The following HECTD3 variants were observed in gnomAD, a reference collection of about 807,000 sequenced individuals.
The protein encoded by HECTD3 is E3 ubiquitin-protein ligase HECTD3.
In HECTD3, 72 loss-of-function variants were observed where a neutral mutation model predicts 109.3. The observed-to-expected ratio is 0.66, with a 90% CI of 0.54 to 0.80. HECTD3 has a LOEUF of 0.80. HECTD3 is among the 30% of genes least tolerant of loss of function. The pLI, the probability that HECTD3 is intolerant of heterozygous loss-of-function variation, is 0.00. For missense variants in HECTD3, 1,041 were observed against 1,165.2 expected (o/e 0.89, Z 1.55); for synonymous variants, 481 against 471.8 (o/e 1.02, Z -0.25).
chr1:45,010,058 G>T lies in HECTD3; in HGVS notation c.687C>A (p.His229Gln). 1 of 1,571,852 alleles carries T rather than the reference G, an allele frequency of 6.4e-7. No individual in the cohort carries two copies. The highest frequency in any genetic ancestry group is 8.7e-7 in the Non-Finnish European group (1 of 1,155,136). Reference sequence around the variant, plus strand: ...CCAGGTTCTCATCCTCCTTGCCCAGGTGGTCATACAAGAAGTGGATCAGGT... The same window carrying T: ...CCAGGTTCTCATCCTCCTTGCCCAGTTGGTCATACAAGAAGTGGATCAGGT... ...DEDLIHFLYD[H>Q]LGKEDENLGS... The change falls in exon 4 of 21, where the codon CAC (histidine) becomes CAA (glutamine). Residue 229 changes from histidine to glutamine, a missense_variant. By Grantham distance (24) the His-to-Gln change is conservative (BLOSUM62 0). Coordinates refer to ENST00000372172, the MANE Select transcript of HECTD3 (RefSeq NM_024602.6).
Position 45,003,468 on chromosome 1 carries a change from T to TGGTC in HECTD3, c.*20_*23dup. The TGGTC allele has an allele frequency of 6.2e-7, 1 of 1,607,990 alleles. No individual in the cohort carries two copies. The highest frequency in any genetic ancestry group is 8.5e-7 in the Non-Finnish European group (1 of 1,174,662). ...CCAAGAGGGACACGTGCAGTCTTGC[T>TGGTC]GGTCCCACAGCCGGCGGCACGCCTC... On this transcript the variant is annotated 3_prime_UTR_variant, in exon 21 of 21. Transcript: ENST00000372172. The surrounding 1 kb of genome is among the most constrained non-coding windows in gnomAD (Gnocchi z 4.7).
intron 15 of HECTD3, chr1:45,005,057 G>C (rs1057445120): frequency 7.0e-6 from 4 of 567,884 alleles, no homozygotes; most frequent in Admixed American, 6.0e-5. Context: ...TGGGACATAA[G>C]GGAAGTTAGG....
Position 45,011,177 on chromosome 1 carries a change from C to T in HECTD3, c.81G>A (p.Ala27=), listed in dbSNP as rs1050296703. ...LGRVRFLAEA[A]RSLRAGRPLP... ...GCGGCCGCCCGGCGCGGAGGCTCCG[C>T]GCTGCCTCTGCCAAGAAGCGCACGC... The change falls in exon 1 of 21, where the codon GCG becomes GCA. Residue 27 remains alanine, a synonymous_variant. Transcript: ENST00000372172. 2.0e-6 allele frequency: 3 copies of T among 1,488,240 alleles called. No individual in the cohort carries two copies. The highest frequency in any genetic ancestry group is 1.5e-5 in the African/African-American group (1 of 68,534). 92.2% of individuals were successfully genotyped at this position (1,488,240 alleles called of 1,614,324 possible).
In HECTD3 at chr1:45,011,321, G is replaced by T. The variant is rs1644792090; in HGVS notation, c.-64C>A. 1.5e-6 allele frequency: 2 copies of T among 1,348,148 alleles called. No individual in the cohort carries two copies. Among genetic ancestry groups the T allele is most frequent in the Admixed American group, 8.0e-5 (2 of 25,016 alleles). The allele number at this position is 1,348,148 out of a possible 1,614,324, so 83.5% of individuals were successfully genotyped here. A position where few individuals can be genotyped will look rare whatever the true frequency, so the allele number is the denominator to read the frequency against. ...CCCGGGGAACAGCTGGCGCGACCGC[G>T]GACAGAGCTTCCCACCACGCCCTTC... On this transcript the variant is annotated 5_prime_UTR_variant, in exon 1 of 21. Coordinates refer to ENST00000372172, the MANE Select transcript of HECTD3 (RefSeq NM_024602.6).
At chr1:45,007,174 G>A (rs754806452) in intron 11 of HECTD3, 45 bp downstream of exon 11, 6 of 1,511,404 alleles carry the variant, frequency 4.0e-6, no homozygotes, top group Non-Finnish European at 2.8e-6. Flanking sequence ...GTGTTTGTGT[G>A]CACAAACAGG....
rs1424691461 is a variant in HECTD3 at position 45,010,228 on chromosome 1, G to A, written c.596C>T (p.Ala199Val). ...RLGSRPQPAE[A>V]YAEAVQRLLY... Reference sequence around the variant, plus strand: ...TAGCCTTTGTACAGCTTCTGCGTATGCCTCTGCCGGCTGAGGTCTCGATCC... The same window carrying A: ...TAGCCTTTGTACAGCTTCTGCGTATACCTCTGCCGGCTGAGGTCTCGATCC... The change falls in exon 3 of 21, where the codon GCA (alanine) becomes GTA (valine). Residue 199 changes from alanine to valine, a missense_variant. Around this residue, in one of 2 missense-constraint regions of HECTD3, gnomAD observed 472 missense variants for 449.9 expected, o/e 1.05. Transcript: ENST00000372172. The A allele has an allele frequency of 1.2e-6, 2 of 1,613,970 alleles. No homozygotes were observed. Among genetic ancestry groups the A allele is most frequent in the South Asian group, 1.1e-5 (1 of 91,078 alleles).
Position 45,011,170 on chromosome 1 carries a change from G to A in HECTD3, c.88C>T (p.Leu30Phe), listed in dbSNP as rs1403303757. 1.3e-6 allele frequency: 2 copies of A among 1,493,712 alleles called. No individual in the cohort carries two copies. The highest frequency in any genetic ancestry group is 1.8e-6 in the Non-Finnish European group (2 of 1,130,148). 92.5% of individuals were successfully genotyped at this position (1,493,712 alleles called of 1,614,324 possible). A position where few individuals can be genotyped will look rare whatever the true frequency, so the allele number is the denominator to read the frequency against. The change falls in exon 1 of 21, where the codon CTC becomes TTC. Residue 30 changes from leucine (L) to phenylalanine (F), a missense_variant. Coordinates refer to ENST00000372172, the MANE Select transcript of HECTD3 (RefSeq NM_024602.6). ...GCTGGCAGCGGCCGCCCGGCGCGGAGGCTCCGCGCTGCCTCTGCCAAGAAG... is the reference window on the plus strand; with the variant it reads ...GCTGGCAGCGGCCGCCCGGCGCGGAAGCTCCGCGCTGCCTCTGCCAAGAAG... Reference protein sequence around the residue: ...VRFLAEAARSLRAGRPLPAAL... With the variant: ...VRFLAEAARSFRAGRPLPAAL...
chr1:45,010,235 C>A lies in HECTD3; in HGVS notation c.589G>T (p.Ala197Ser), dbSNP rs1644773502. The change falls in exon 3 of 21, where the codon GCA (alanine) becomes TCA (serine). Residue 197 changes from alanine (A) to serine (S), a missense_variant. Around this residue, in one of 2 missense-constraint regions of HECTD3, gnomAD observed 472 missense variants for 449.9 expected, o/e 1.05. Coordinates refer to ENST00000372172, the MANE Select transcript of HECTD3 (RefSeq NM_024602.6). ...SHRLGSRPQPAEAYAEAVQRL... is the reference protein window; with the variant it reads ...SHRLGSRPQPSEAYAEAVQRL... Reference sequence around the variant, plus strand: ...TGTACAGCTTCTGCGTATGCCTCTGCCGGCTGAGGTCTCGATCCCAGGCGA... The same window carrying A: ...TGTACAGCTTCTGCGTATGCCTCTGACGGCTGAGGTCTCGATCCCAGGCGA... 6.2e-7 allele frequency: 1 copy of A among 1,614,072 alleles called. No homozygotes were observed. The highest frequency in any genetic ancestry group is 8.5e-7 in the Non-Finnish European group (1 of 1,180,020).
At position 45,007,094 on chromosome 1, in the gene HECTD3, AAAGC is replaced by A; in HGVS notation, c.1557-83_1557-80del. On this transcript the variant is annotated intron_variant, in intron 11 of 20. Coordinates refer to ENST00000372172, the MANE Select transcript of HECTD3 (RefSeq NM_024602.6). The stretch of plus-strand genomic sequence containing the variant: ...TCATCAGCTCAGAGACCACCTGGGA[AAAGC>A]AGTCATGGCGAGGGGTGCCTCGAGC... 4 of 1,580,980 alleles carry A rather than the reference AAAGC, an allele frequency of 2.5e-6. No homozygotes were observed. In the South Asian group the frequency reaches 3.3e-5, roughly 13 times the overall value.
intron 4 of HECTD3, 37 bp from the exon 5 acceptor site, chr1:45,009,720 C>T (rs1644767631): frequency 1.3e-6 from 2 of 1,493,562 alleles, no homozygotes; most frequent in Non-Finnish European, 9.3e-7. Flanking sequence ...AGCAGTTACC[C>T]TCCCTCCCTG....
chr1:45,008,258 G>A lies in HECTD3; in HGVS notation c.1302C>T (p.Gly434=), dbSNP rs2148978057. ...GGCTCACCTTAATCTCACTGAAGGTGCCCAGTGTGTGGTCCCAGGCAGGTA... is the reference window on the plus strand; with the variant it reads ...GGCTCACCTTAATCTCACTGAAGGTACCCAGTGTGTGGTCCCAGGCAGGTA... ...HLVPAWDHTL[G]TFSEIKQVKQ... Residue 434 remains glycine (G), a synonymous_variant, in exon 9 of 21, where the codon GGC becomes GGT. Transcript: ENST00000372172. 6.2e-7 allele frequency: 1 copy of A among 1,613,948 alleles called. No homozygotes were observed. Among genetic ancestry groups the A allele is most frequent in the Admixed American group, 1.7e-5 (1 of 60,014 alleles).
chr1:45,009,040 T>G, intron 7 of HECTD3, 104 bp downstream of exon 7: 1 of 964,150 alleles, frequency 1.0e-6, no homozygotes, highest in Non-Finnish European at 1.7e-6. Flanking sequence ...CAGCATCGCC[T>G]TCACCCCAAC....
rs1644710127 is a variant in HECTD3, at chr1:45,003,678, T to C, written c.2492A>G (p.His831Arg). ...STCSSTLFLP[H>R]YASAKVCEEK... Reference sequence around the variant, plus strand: ...CTAGGAAAAAACCCACCTGGCATAGTGTGGCAGGAAGAGGGTGCTGGAGCA... The same window carrying C: ...CTAGGAAAAAACCCACCTGGCATAGCGTGGCAGGAAGAGGGTGCTGGAGCA... Residue 831 changes from histidine (H) to arginine (R), a missense_variant, in exon 20 of 21, where the codon CAC becomes CGC. By Grantham distance (29) the His-to-Arg change is conservative. This residue lies in a region of HECTD3 where 569 missense variants were observed against 715.3 expected (regional missense o/e 0.80). Transcript: ENST00000372172. This position sits in a 1 kb window ranked among gnomAD's most constrained non-coding sequence, Gnocchi z 4.7. The C allele has an allele frequency of 2.5e-6, 4 of 1,613,956 alleles. No individual in the cohort carries two copies. Among genetic ancestry groups the C allele is most frequent in the Non-Finnish European group, 3.4e-6 (4 of 1,179,964 alleles).
At chr1:45,010,147 G>A in intron 3 of HECTD3, 26 bp from the exon 4 acceptor site, 2 of 1,613,742 alleles carry the variant, frequency 1.2e-6, no homozygotes, top group Non-Finnish European at 1.7e-6. Context: ...CCCCTAATTA[G>A]ACTGGGCCCA....
intron 11 of HECTD3, 55 bp from the exon 12 acceptor site, chr1:45,007,070 C>A: frequency 6.2e-7 from 1 of 1,602,666 alleles, no homozygotes; most frequent in Non-Finnish European, 8.5e-7. Context: ...CAGCACAATT[C>A]ATCAGCTCAG....
chr1:45,006,120 C>A lies in HECTD3; in HGVS notation c.1726-4G>T, dbSNP rs113135392. On this transcript the variant is annotated splice_polypyrimidine_tract_variant and splice_region_variant and intron_variant, in intron 13 of 20. Coordinates refer to ENST00000372172, the MANE Select transcript of HECTD3 (RefSeq NM_024602.6). The surrounding 1 kb of genome is among the most constrained non-coding windows in gnomAD (Gnocchi z 4.7). ...GAGCCTCACCAGTGCCATTGCCCTG[C>A]CCCAGAGACAGAGCTGTGAGTGTGG... 4 of 1,613,052 alleles carry A rather than the reference C, an allele frequency of 2.5e-6. No homozygotes were observed. The highest frequency in any genetic ancestry group is 3.4e-6 in the Non-Finnish European group (4 of 1,179,174).
chr1:45,004,768 C>T lies in HECTD3; in HGVS notation c.1974G>A (p.Glu658=). 1 of 1,614,226 alleles carries T rather than the reference C, an allele frequency of 6.2e-7. No individual in the cohort carries two copies. ...CCTTCCCAAACTTGAACTCAAACGT[C>T]TCCTTGTCCATTCCTTCCATCACTT... ...LLEVMEGMDK[E]TFEFKFGKEL... Residue 658 remains glutamate, a synonymous_variant, in exon 16 of 21, where the codon GAG becomes GAA. Transcript: ENST00000372172.
Position 45,006,597 on chromosome 1 carries a change from T to C in HECTD3, c.1725+95A>G. On this transcript the variant is annotated intron_variant, in intron 13 of 20. Coordinates refer to ENST00000372172, the MANE Select transcript of HECTD3 (RefSeq NM_024602.6). The surrounding 1 kb of genome is among the most constrained non-coding windows in gnomAD (Gnocchi z 4.7). ...GATTACAGGCGTGAGCCACTGTGCC[T>C]GCCCCCTTTCTAGCTCAATCTGGCC... 9.4e-7 allele frequency: 1 copy of C among 1,058,698 alleles called. No homozygotes were observed. 65.6% of individuals were successfully genotyped at this position (1,058,698 alleles called of 1,614,324 possible). A position where few individuals can be genotyped will look rare whatever the true frequency, so the allele number is the denominator to read the frequency against.
rs1644746611 is a variant in HECTD3 at position 45,007,453 on chromosome 1, G to A, written c.1463C>T (p.Pro488Leu). The A allele has an allele frequency of 6.2e-7, 1 of 1,614,020 alleles. No homozygotes were observed. The highest frequency in any genetic ancestry group is 1.7e-5 in the Admixed American group (1 of 59,990). The part of the protein sequence containing the change: ...RRLAMEHRAC[P>L]SRDPACKNAV... ...ATTCTTGCAGGCAGGGTCTCGAGAG[G>A]GGCAGGCACGGTGTTCCATGGCAAG... is the stretch of plus-strand genomic sequence containing the variant. Residue 488 changes from proline (P) to leucine (L), a missense_variant, in exon 10 of 21, where the codon CCC becomes CTC. Pro to Leu is a moderately conservative substitution (Grantham distance 98, BLOSUM62 -3). This residue lies in a region of HECTD3 where 569 missense variants were observed against 715.3 expected (regional missense o/e 0.80). Transcript: ENST00000372172.
Sources: gnomAD v4.1 joint callset for allele counts on GRCh38, gnomAD v4.1.1 for gene constraint, gnomAD v4.1.1 regional missense constraint, Gnocchi (gnomAD v3.1) non-coding constraint, MANE v1.5 for transcripts, NCBI Gene and HGNC (gene_info 2026-07-23, HGNC 2026-07-21) for gene names.